SASH1: variants seen among roughly 807,000 people sequenced by gnomAD.
The protein encoded by SASH1 is SAM and SH3 domain-containing protein 1.
In SASH1, 44 loss-of-function variants were observed where a neutral mutation model predicts 125.2. The observed-to-expected ratio is 0.35, with a 90% CI of 0.28 to 0.45. The LOEUF is 0.45. SASH1 is among the 20% of genes least tolerant of loss of function. SASH1 has a pLI of 1.00. For missense variants in SASH1, 1,426 were observed against 1,614.5 expected (o/e 0.88, Z 2.00); for synonymous variants, 639 against 649.1 (o/e 0.98, Z 0.24).
chr6:148,272,953 T>G (rs1173497270), intron 1 of SASH1, among the ~76,000 whole-genome samples: 1 of 152,156 alleles, frequency 6.6e-6, no homozygotes. Flanking sequence ...TTTTCTTTTT[T>G]AATTAAAAAA....
intron 1 of SASH1, among the ~76,000 whole-genome samples, chr6:148,329,233 GA>G (rs1159751324): frequency 1.3e-5 from 2 of 152,104 alleles, no homozygotes; most frequent in Non-Finnish European, 2.9e-5. Flanking sequence ...TAAGGCATAG[GA>G]AAAAAATTAT....
intron 1 of SASH1, among the ~76,000 whole-genome samples, chr6:148,324,118 C>CAACAAAAAAA (rs1780729972): frequency 1.7e-5 from 1 of 59,426 alleles, no homozygotes; most frequent in African/African-American, 7.1e-5. Context: ...GAATCTGTCT[C>CAACAAAAAAA]AAAAAAAAAA....
chr6:148,237,861 C>T, the SASH1 span, among the ~76,000 whole-genome samples: 3 of 152,190 alleles, frequency 2.0e-5, no homozygotes, highest in Non-Finnish European at 1.5e-5. Context: ...CTGGCCTCCC[C>T]CTACCCTTCC....
intron 8 of SASH1, among the ~76,000 whole-genome samples, chr6:148,504,438 C>T (rs1425542424): frequency 6.6e-6 from 1 of 152,172 alleles, no homozygotes; most frequent in Non-Finnish European, 1.5e-5. Context: ...CAATTCCTCA[C>T]CATAGGAGTC....
chr6:148,238,466 C>T, the SASH1 span, among the ~76,000 whole-genome samples: 895 of 152,204 alleles, frequency 5.9e-3, 7 homozygotes, highest in African/African-American at 0.021. Context: ...TCAGGTGATC[C>T]ACCTGCCTCA....
chr6:148,424,504 C>T (rs902699375), intron 2 of SASH1, among the ~76,000 whole-genome samples: 1 of 151,700 alleles, frequency 6.6e-6, no homozygotes, highest in Non-Finnish European at 1.5e-5. Flanking sequence ...GGGTTACAGG[C>T]GTGAGCCACC....
chr6:148,390,015 T>C (rs1192269824), intron 1 of SASH1, 119 bp from the exon 2 acceptor site: 1 of 1,168,030 alleles, frequency 8.6e-7, no homozygotes, highest in East Asian at 2.6e-5. Context: ...TGGCACTTGA[T>C]GTTTCCCACT....
intron 4 of SASH1, among the ~76,000 whole-genome samples, chr6:148,446,098 T>TTTTTTTTTTTTTTTCTTTTTTTTC: frequency 1.5e-4 from 1 of 6,632 alleles, no homozygotes; most frequent in Non-Finnish European, 2.8e-4. Flanking sequence ...CTTTTTTTTT[T>TTTTTTTTTTTTTTTCTTTTTTTTC]TTTTTTTTTT....
Position 148,532,633 on chromosome 6 carries a change from A to C in SASH1, c.1565-164A>C, listed in dbSNP as rs147375849. On this transcript the variant is annotated intron_variant, in intron 13 of 19. Coordinates refer to ENST00000367467, the MANE Select transcript of SASH1 (RefSeq NM_015278.5). This position sits in a 1 kb window ranked among gnomAD's most constrained non-coding sequence, Gnocchi z 4.7. The stretch of plus-strand genomic sequence containing the variant: ...TGAGGAGCTGAGGGATAGCACTCGG[A>C]GAATTCATAACTGGGCCCTGCCCTG... 0.021 allele frequency among the ~76,000 whole-genome samples: 3,239 copies of C among 152,296 alleles called. 50 individuals carry two copies. Among genetic ancestry groups the C allele is most frequent in the Middle Eastern group, 0.078 (23 of 294 alleles).
the SASH1 span, among the ~76,000 whole-genome samples, chr6:148,195,591 A>G: frequency 6.6e-6 from 1 of 152,136 alleles, no homozygotes; most frequent in Non-Finnish European, 1.5e-5. Flanking sequence ...ACTCTCTTTC[A>G]CCCCGGCTCC....
At chr6:148,307,813 C>T (rs1780184266) in intron 1 of SASH1, among the ~76,000 whole-genome samples, 1 of 152,140 alleles carries the variant, frequency 6.6e-6, no homozygotes, top group Admixed American at 6.6e-5. Context: ...CTTAATTGGT[C>T]ACTTGGCTCA....
At position 148,540,499 on chromosome 6, in the gene SASH1, A is replaced by G; in HGVS notation, c.2152A>G (p.Ser718Gly). 6.2e-7 allele frequency: 1 copy of G among 1,614,074 alleles called. No homozygotes were observed. The highest frequency in any genetic ancestry group is 8.5e-7 in the Non-Finnish European group (1 of 1,179,996). ...EKLLVDSQGL[S>G]GCSPRDSGCY... The stretch of plus-strand genomic sequence containing the variant: ...GCTGCTCGTTGACAGCCAGGGCCTG[A>G]GTGGATGCTCACCCCGAGACTCAGG... The change falls in exon 17 of 20, where the codon AGT (serine) becomes GGT (glycine). Residue 718 changes from serine (S) to glycine (G), a missense_variant. By Grantham distance (56) the Ser-to-Gly change is moderately conservative. Around this residue, in one of 3 missense-constraint regions of SASH1, gnomAD observed 634 missense variants for 694.4 expected, o/e 0.91. Coordinates refer to ENST00000367467, the MANE Select transcript of SASH1 (RefSeq NM_015278.5).
At chr6:148,382,917 A>T (rs1000692433) in intron 1 of SASH1, among the ~76,000 whole-genome samples, 1 of 152,186 alleles carries the variant, frequency 6.6e-6, no homozygotes, top group South Asian at 2.1e-4. Flanking sequence ...GCATGACCTA[A>T]TACGTCCCTC....
At chr6:148,226,907 T>C in the SASH1 span, among the ~76,000 whole-genome samples, 1 of 152,204 alleles carries the variant, frequency 6.6e-6, no homozygotes, top group Non-Finnish European at 1.5e-5. Flanking sequence ...ACAGTAGGAA[T>C]GCCCTGATTG....
the SASH1 span, among the ~76,000 whole-genome samples, chr6:148,233,577 G>A: frequency 6.6e-6 from 1 of 151,808 alleles, no homozygotes; most frequent in African/African-American, 2.4e-5. Context: ...AAGACATTAA[G>A]CAATGAATTA....
intron 1 of SASH1, among the ~76,000 whole-genome samples, chr6:148,365,499 AG>A (rs1451017204): frequency 5.3e-5 from 8 of 150,654 alleles, no homozygotes; most frequent in South Asian, 2.1e-4. Flanking sequence ...GGTGATGAGG[AG>A]GGGGTCATAC....
rs371179614 is a variant in SASH1 at position 148,274,548 on chromosome 6, G to A, written n.74+2171G>A. On this transcript the variant is annotated intron_variant and non_coding_transcript_variant, in intron 1 of 3. Coordinates refer to the SASH1 transcript ENST00000367469. ...GCAAGCACATTTGGGTTTTTGTGCTGAGGATGCAAAAAGATGTATTGATCA... is the reference window on the plus strand; with the variant it reads ...GCAAGCACATTTGGGTTTTTGTGCTAAGGATGCAAAAAGATGTATTGATCA... 3.9e-5 allele frequency among the ~76,000 whole-genome samples: 6 copies of A among 152,170 alleles called. No homozygotes were observed. The East Asian group carries it at 7.7e-4, about 20-fold the overall frequency.
intron 4 of SASH1, among the ~76,000 whole-genome samples, chr6:148,457,307 AT>A (rs1777408563): frequency 1.3e-5 from 2 of 152,098 alleles, no homozygotes; most frequent in African/African-American, 4.8e-5. Flanking sequence ...AGTACCGGTA[AT>A]TAGAGACAAT....
chr6:148,291,872 A>T (rs1434808993), intron 1 of SASH1, among the ~76,000 whole-genome samples: 1 of 152,158 alleles, frequency 6.6e-6, no homozygotes, highest in Non-Finnish European at 1.5e-5. Flanking sequence ...GGTACTGGGG[A>T]TAAGGTTAAA....
Sources: allele counts gnomAD v4.1 joint callset (sites outside exome capture counted in the v4.1 genomes callset), GRCh38; gene constraint gnomAD v4.1.1; regional missense constraint gnomAD v4.1.1; non-coding constraint Gnocchi (gnomAD v3.1); transcripts MANE v1.5; gene names NCBI Gene and HGNC (gene_info 2026-07-23, HGNC 2026-07-21).